The following LYST variants were observed in gnomAD, a reference collection of about 807,000 sequenced individuals.
The protein encoded by LYST is lysosomal-trafficking regulator.
Under a neutral mutation model 413.6 loss-of-function variants are expected in LYST, and 192 were observed. That is an observed-to-expected ratio of 0.46 (90% CI 0.41 to 0.52). The LOEUF is 0.52. Ranked by LOEUF, LYST falls within the 20% of genes least tolerant of loss-of-function variation. LYST has a pLI of 0.00. For synonymous variants in LYST, 1,525 were observed against 1,567.3 expected, an observed-to-expected ratio of 0.97 and a Z score of 0.64; for missense variants, 3,815 against 4,499.9, an observed-to-expected ratio of 0.85 and a Z score of 4.35.
At chr1:235,867,361 A>G (rs1230284125), upstream of LYST, among the ~76,000 whole-genome samples, 1 of 151,650 alleles carries the variant, frequency 6.6e-6, no homozygotes, top group Non-Finnish European at 1.5e-5. Context: ...ATGAAGATAG[A>G]AGAAATAACG....
intron 44 of LYST, among the ~76,000 whole-genome samples, chr1:235,708,151 CATT>C (rs896195645): frequency 6.6e-6 from 1 of 151,574 alleles, no homozygotes; most frequent in Admixed American, 6.6e-5. Context: ...TACCAAATAG[CATT>C]ATTATTATTA....
intron 31 of LYST, chr1:235,738,227 G>T: frequency 1.2e-6 from 2 of 1,610,732 alleles, no homozygotes; most frequent in Non-Finnish European, 1.7e-6. Flanking sequence ...GAACACCAAA[G>T]ATTGTCTCTG....
chr1:235,863,768 G>A (rs964737028), intron 1 of LYST, among the ~76,000 whole-genome samples: 4 of 152,154 alleles, frequency 2.6e-5, no homozygotes, highest in Admixed American at 6.5e-5. Flanking sequence ...TCAAGGTAAC[G>A]TAAAAAGTGT....
chr1:235,847,670 A>T (rs1405837796), intron 1 of LYST, among the ~76,000 whole-genome samples: 29 of 152,154 alleles, frequency 1.9e-4, no homozygotes, highest in Admixed American at 1.9e-3. Context: ...CCTAACACAT[A>T]AGCACTCACA....
chr1:235,869,382 G>A (rs1035905444), upstream of LYST, among the ~76,000 whole-genome samples: 4 of 152,150 alleles, frequency 2.6e-5, no homozygotes, highest in Non-Finnish European at 5.9e-5. Context: ...TGAGGCAGGA[G>A]AATAGCGTGA....
intron 1 of LYST, among the ~76,000 whole-genome samples, chr1:235,872,981 TG>T (rs1287031340): frequency 2.0e-5 from 3 of 152,074 alleles, no homozygotes; most frequent in Non-Finnish European, 4.4e-5. Context: ...TGCTTTGTGG[TG>T]GAGGAGTTCT....
At position 235,662,916 on chromosome 1, in the gene LYST, G is replaced by T; in HGVS notation, c.*24C>A. The T allele has an allele frequency of 7.5e-7, 1 of 1,325,684 alleles. No homozygotes were observed. Among genetic ancestry groups the T allele is most frequent in the Non-Finnish European group, 1.1e-6 (1 of 916,094 alleles). 82.1% of individuals were successfully genotyped at this position (1,325,684 alleles called of 1,614,324 possible). ...ATCTAGTTTGGAGTTAAAGTGCTTTGGAGAACGTGAAGTTCATTCGCATTC... is the reference window on the plus strand; with the variant it reads ...ATCTAGTTTGGAGTTAAAGTGCTTTTGAGAACGTGAAGTTCATTCGCATTC... On this transcript the variant is annotated 3_prime_UTR_variant, in exon 53 of 53. Transcript: ENST00000389793.
chr1:235,702,906 T>A lies in LYST; in HGVS notation c.10215A>T (p.Lys3405Asn). 6.2e-7 allele frequency: 1 copy of A among 1,614,122 alleles called. No homozygotes were observed. The highest frequency in any genetic ancestry group is 8.5e-7 in the Non-Finnish European group (1 of 1,180,020). ...VQRRALETMI[K>N]TYGQTPRQLF... The stretch of plus-strand genomic sequence containing the variant: ...GCTGACGGGGAGTCTGCCCGTAGGT[T>A]TTTATCATGGTTTCTAGCGCTCGTC... The change falls in exon 45 of 53, where the codon AAA becomes AAT. Residue 3405 changes from lysine (K) to asparagine (N), a missense_variant. Physicochemically the swap from Lys to Asn is moderately conservative, Grantham distance 94 (BLOSUM62 0). Transcript: ENST00000389793.
In LYST at chr1:235,665,889, T is replaced by C. The variant is rs573847173; in HGVS notation, c.11039-1268A>G. On this transcript the variant is annotated intron_variant, in intron 50 of 52. Transcript: ENST00000389793. ...GATGGTTTGGGGGCTGATGATGATA[T>C]GTCCAGCCTTCTCTGGGGAAATACT... 3.9e-5 allele frequency among the ~76,000 whole-genome samples: 6 copies of C among 152,234 alleles called. No individual in the cohort carries two copies. The East Asian group carries it at 7.7e-4, about 20-fold the overall frequency.
intron 22 of LYST, among the ~76,000 whole-genome samples, chr1:235,761,745 G>A (rs58187420): frequency 0.016 from 2,381 of 151,534 alleles, 63 homozygotes; most frequent in African/African-American, 0.054. Flanking sequence ...GCGAGACAAG[G>A]GGAACTTTGG....
intron 24 of LYST, 150 bp from the exon 25 acceptor site, chr1:235,755,797 C>A: frequency 1.8e-6 from 1 of 564,948 alleles, no homozygotes; most frequent in Non-Finnish European, 3.1e-6. Context: ...CACAGCAAAG[C>A]AGAAATGAAT....
chr1:235,751,339 T>C lies in LYST; in HGVS notation c.7651A>G (p.Arg2551Gly), dbSNP rs754435364. 6.2e-7 allele frequency: 1 copy of C among 1,613,648 alleles called. No individual in the cohort carries two copies. ...AATTCCATAGCAGCCTGGAGAACTC[T>C]AAGCTGTAGTGCAACAGCCATATCT... is the stretch of plus-strand genomic sequence containing the variant. ...TQNMAVALQL[R>G]VLQAAMEFIR... is the part of the protein sequence containing the mutation. Residue 2551 changes from arginine to glycine, a missense_variant, in exon 28 of 53, where the codon AGA (arginine) becomes GGA (glycine). By Grantham distance (125) the Arg-to-Gly change is moderately radical. Around this residue, in one of 4 missense-constraint regions of LYST, gnomAD observed 771 missense variants for 837.1 expected, o/e 0.92. Transcript: ENST00000389793.
intron 28 of LYST, among the ~76,000 whole-genome samples, 168 bp downstream of exon 28, chr1:235,751,042 A>T (rs1004798230): frequency 1.3e-5 from 2 of 152,228 alleles, no homozygotes; most frequent in Non-Finnish European, 2.9e-5. Context: ...AAATAACTGA[A>T]TGAGAAAAGC....
chr1:235,734,298 T>C (rs1013580839), intron 32 of LYST, among the ~76,000 whole-genome samples, 185 bp downstream of exon 32: 3 of 151,884 alleles, frequency 2.0e-5, no homozygotes, highest in African/African-American at 4.8e-5. Context: ...GAGAACAAAA[T>C]GCTCCTTAAA....
Position 235,784,865 on chromosome 1 carries a change from A to G in LYST, c.4862+2335T>C, listed in dbSNP as rs1055569162. Among the ~76,000 whole-genome samples, 4 of 152,362 alleles carry G rather than the reference A, an allele frequency of 2.6e-5. No individual in the cohort carries two copies. In the South Asian group the frequency reaches 8.3e-4, roughly 32 times the overall value. Reference sequence around the variant, plus strand: ...GCTACAGCTGCCATGGCAGCTATGAAGATCGAGAACGTCACAGACAGTATT... The same window carrying G: ...GCTACAGCTGCCATGGCAGCTATGAGGATCGAGAACGTCACAGACAGTATT... On this transcript the variant is annotated intron_variant, in intron 14 of 52. Coordinates refer to ENST00000389793, the MANE Select transcript of LYST (RefSeq NM_000081.4).
intron 1 of LYST, among the ~76,000 whole-genome samples, chr1:235,876,718 A>G (rs1409993625): frequency 6.6e-6 from 1 of 152,234 alleles, no homozygotes; most frequent in Non-Finnish European, 1.5e-5. Flanking sequence ...ACTTGTAAAA[A>G]TGACATAATC....
chr1:235,845,168 C>A (rs1677667676), intron 1 of LYST, among the ~76,000 whole-genome samples: 1 of 152,200 alleles, frequency 6.6e-6, no homozygotes, highest in African/African-American at 2.4e-5. Context: ...AGTGCCCCAA[C>A]TGTGCAAGTG....
In LYST at chr1:235,777,237, A is replaced by G. The variant is rs1273563388; in HGVS notation, c.5286T>C (p.Leu1762=). 5 of 1,613,398 alleles carry G rather than the reference A, an allele frequency of 3.1e-6. No individual in the cohort carries two copies. The highest frequency in any genetic ancestry group is 1.1e-5 in the South Asian group (1 of 91,064). Residue 1762 remains leucine (L), a synonymous_variant, in exon 17 of 53, where the codon CTT becomes CTC. Coordinates refer to ENST00000389793, the MANE Select transcript of LYST (RefSeq NM_000081.4). The part of the protein sequence containing the change: ...QYTIYEPVIR[L]KGQMKTQLSQ... ...AGAGTTGGGTTTTCATTTGACCTTT[A>G]AGTCTAATCACTGGTTCATAGATGG...
chr1:235,794,774 C>T (rs1056189002), intron 10 of LYST, among the ~76,000 whole-genome samples: 1 of 152,102 alleles, frequency 6.6e-6, no homozygotes. Context: ...GGACTTTATC[C>T]TGTACATAAC....
Sources: gnomAD v4.1 joint callset for allele counts (sites outside exome capture counted in the v4.1 genomes callset) on GRCh38, gnomAD v4.1.1 for gene constraint, gnomAD v4.1.1 regional missense constraint, MANE v1.5 for transcripts, NCBI Gene and HGNC (gene_info 2026-07-23, HGNC 2026-07-21) for gene names.